Variants in DOCK1 observed in about 807,000 individuals in gnomAD.
The protein encoded by DOCK1 is dedicator of cytokinesis protein 1.
In DOCK1, 138 loss-of-function variants were observed where a neutral mutation model predicts 262.7. The observed-to-expected ratio is 0.53, with a 90% confidence interval of 0.46 to 0.61. DOCK1 has a LOEUF of 0.61. Ranked by LOEUF, DOCK1 falls within the 20% of genes least tolerant of loss-of-function variation. The pLI is 0.00. For synonymous variants in DOCK1, 866 were observed against 867.4 expected, an observed-to-expected ratio of 1.00 and a Z score of 0.03; for missense variants, 1,908 against 2,370.7, an observed-to-expected ratio of 0.80 and a Z score of 4.05.
rs1202144671 is a variant in DOCK1 at position 127,381,367 on chromosome 10, A to G, written c.3806A>G (p.Lys1269Arg). 2 of 1,608,996 alleles carry G rather than the reference A, an allele frequency of 1.2e-6. No individual in the cohort carries two copies. Among genetic ancestry groups the G allele is most frequent in the Non-Finnish European group, 1.7e-6 (2 of 1,176,858 alleles). Residue 1269 changes from lysine (K) to arginine (R), a missense_variant and splice_region_variant, in exon 37 of 52, where the codon AAG (lysine) becomes AGG (arginine). By Grantham distance (26) the Lys-to-Arg change is conservative. Around this residue, in one of 9 missense-constraint regions of DOCK1, gnomAD observed 267 missense variants for 366.3 expected, o/e 0.73. Transcript: ENST00000623213. ...YTLLLHAKLL[K>R]WSEDVCVAHL... is the part of the protein sequence containing the mutation. ...TTGCTTCTCCATGCAAAGCTTCTTAAGGTAATGTCAATTACCAGTCACCTT... is the reference window on the plus strand; with the variant it reads ...TTGCTTCTCCATGCAAAGCTTCTTAGGGTAATGTCAATTACCAGTCACCTT...
intron 6 of DOCK1, among the ~76,000 whole-genome samples, 172 bp from the exon 7 acceptor site, chr10:126,996,576 A>G (rs1387427355): frequency 6.7e-6 from 1 of 148,710 alleles, no homozygotes; most frequent in East Asian, 2.0e-4. Flanking sequence ...CCAAGATGAC[A>G]CATTTTAAGC....
intron 14 of DOCK1, among the ~76,000 whole-genome samples, chr10:127,023,978 C>T (rs2042638037): frequency 6.6e-6 from 1 of 152,210 alleles, no homozygotes; most frequent in African/African-American, 2.4e-5. Flanking sequence ...TCGTGCTCTA[C>T]CTACCGGCGA....
intron 29 of DOCK1, among the ~76,000 whole-genome samples, chr10:127,290,332 A>C (rs762331028): frequency 1.3e-5 from 2 of 152,078 alleles, no homozygotes; most frequent in Non-Finnish European, 2.9e-5. Flanking sequence ...ATATTTGTTT[A>C]ATACCATGAA....
intron 27 of DOCK1, among the ~76,000 whole-genome samples, chr10:127,230,802 G>A (rs566847924): frequency 6.6e-6 from 1 of 150,786 alleles, no homozygotes; most frequent in East Asian, 1.9e-4. Flanking sequence ...TGTTTTTGGT[G>A]GTTCCAAACC....
At chr10:127,325,294 C>T (rs1262608029) in intron 29 of DOCK1, among the ~76,000 whole-genome samples, 1 of 152,200 alleles carries the variant, frequency 6.6e-6, no homozygotes, top group East Asian at 1.9e-4. Context: ...GCTTGTAGCA[C>T]ATCCTTTAAG....
At chr10:126,918,452 C>G (rs1039588158) in intron 1 of DOCK1, among the ~76,000 whole-genome samples, 1 of 152,202 alleles carries the variant, frequency 6.6e-6, no homozygotes, top group Non-Finnish European at 1.5e-5. Context: ...AGTTGAATGA[C>G]CTGGGTCATG....
intron 27 of DOCK1, among the ~76,000 whole-genome samples, chr10:127,201,248 C>T (rs1439346285): frequency 1.3e-5 from 2 of 152,170 alleles, no homozygotes; most frequent in African/African-American, 2.4e-5. Context: ...CTTCACTCTC[C>T]TCTTTCTGGG....
At chr10:127,432,009 T>C (rs991838325) in intron 47 of DOCK1, among the ~76,000 whole-genome samples, 1 of 152,194 alleles carries the variant, frequency 6.6e-6, no homozygotes, top group African/African-American at 2.4e-5. Flanking sequence ...AACTCGATTG[T>C]AAACTGTGCA....
chr10:126,992,769 G>GACACAGACACACAC (rs777790044), intron 6 of DOCK1, among the ~76,000 whole-genome samples: 2 of 130,382 alleles, frequency 1.5e-5, no homozygotes, highest in East Asian at 4.2e-4. Context: ...CACACAGACA[G>GACACAGACACACAC]ACACAGACAC....
intron 23 of DOCK1, among the ~76,000 whole-genome samples, chr10:127,099,297 GTC>G (rs1157613873): frequency 6.6e-6 from 1 of 152,192 alleles, no homozygotes; most frequent in East Asian, 1.9e-4. Flanking sequence ...GACTGAAATA[GTC>G]TCTGTCCTTA....
chr10:127,440,821 G>A (rs1207511911), intron 49 of DOCK1, among the ~76,000 whole-genome samples: 1 of 152,162 alleles, frequency 6.6e-6, no homozygotes, highest in African/African-American at 2.4e-5. Flanking sequence ...AGACCAGGGG[G>A]GCACTGGCTG....
At chr10:127,206,721 A>T (rs1258640415) in intron 27 of DOCK1, among the ~76,000 whole-genome samples, 1 of 152,192 alleles carries the variant, frequency 6.6e-6, no homozygotes, top group East Asian at 1.9e-4. Context: ...TGCTTTATAC[A>T]TACATCTCTT....
At chr10:126,927,970 C>G (rs893605391) in intron 1 of DOCK1, among the ~76,000 whole-genome samples, 9 of 152,044 alleles carry the variant, frequency 5.9e-5, no homozygotes, top group Admixed American at 3.9e-4. Flanking sequence ...GGGCACCTAC[C>G]CAGGTGCCAC....
intron 27 of DOCK1, among the ~76,000 whole-genome samples, chr10:127,236,178 A>G (rs2059042379): frequency 1.3e-5 from 2 of 152,170 alleles, no homozygotes; most frequent in Non-Finnish European, 2.9e-5. Flanking sequence ...GTATCCTAAG[A>G]AATATATTCC....
chr10:127,253,602 A>G (rs2134885755), intron 28 of DOCK1, among the ~76,000 whole-genome samples: 1 of 152,316 alleles, frequency 6.6e-6, no homozygotes, highest in South Asian at 2.1e-4. Flanking sequence ...AGCCAGGCTC[A>G]GTGGCTCATG....
intron 27 of DOCK1, among the ~76,000 whole-genome samples, chr10:127,215,887 C>T (rs2058187644): frequency 6.7e-6 from 1 of 149,002 alleles, no homozygotes; most frequent in Non-Finnish European, 1.5e-5. Flanking sequence ...TGCAGTGAAA[C>T]AAGATTTCCC....
At chr10:127,238,476 T>C (rs2059150981) in intron 27 of DOCK1, among the ~76,000 whole-genome samples, 1 of 152,188 alleles carries the variant, frequency 6.6e-6, no homozygotes, top group African/African-American at 2.4e-5. Flanking sequence ...CCTTCAGTTA[T>C]CAAGTTCTCT....
At chr10:127,226,849 C>G (rs1043097206) in intron 27 of DOCK1, among the ~76,000 whole-genome samples, 2 of 152,104 alleles carry the variant, frequency 1.3e-5, no homozygotes, top group Non-Finnish European at 2.9e-5. Context: ...GCCTTTCTCC[C>G]GCTCCCATCC....
At chr10:127,204,587 G>A (rs1007914157) in intron 27 of DOCK1, among the ~76,000 whole-genome samples, 2 of 151,878 alleles carry the variant, frequency 1.3e-5, no homozygotes, top group African/African-American at 4.8e-5. Context: ...GTGCCTGACC[G>A]TTTTTTTAAA....
Sources: allele counts gnomAD v4.1 joint callset (sites outside exome capture counted in the v4.1 genomes callset), GRCh38; gene constraint gnomAD v4.1.1; regional missense constraint gnomAD v4.1.1; transcripts MANE v1.5; gene names NCBI Gene and HGNC (gene_info 2026-07-23, HGNC 2026-07-21).